Variants in RAB27A observed in about 807,000 individuals in gnomAD.
RAB27A encodes RAB27A, member RAS oncogene family, also known as ras-related protein Rab-27A.
Under a neutral mutation model 20.8 loss-of-function variants are expected in RAB27A, and 17 were observed. The observed-to-expected ratio is 0.82, with a 90% CI of 0.56 to 1.23. RAB27A has a LOEUF of 1.23. RAB27A is among the 50% of genes most tolerant of loss of function. RAB27A has a pLI of 0.00. For synonymous variants in RAB27A, 85 were observed against 92.8 expected (o/e 0.92, Z 0.48); for missense variants, 277 against 266.7 (o/e 1.04, Z -0.27).
chr15:55,316,960 G>T (rs1284018897), intron 1 of RAB27A, among the ~76,000 whole-genome samples: 1 of 152,092 alleles, frequency 6.6e-6, no homozygotes, highest in Non-Finnish European at 1.5e-5. Context: ...AGTTTAAGTT[G>T]GTTCACATAT....
At chr15:55,263,778 G>C (rs987304862) in intron 2 of RAB27A, among the ~76,000 whole-genome samples, 1 of 103,268 alleles carries the variant, frequency 9.7e-6, no homozygotes, top group African/African-American at 4.4e-5. Context: ...TTTTCCATTA[G>C]TCTGTTTAAT....
intron 2 of RAB27A, among the ~76,000 whole-genome samples, chr15:55,312,175 G>A (rs1443767669): frequency 2.0e-5 from 3 of 152,246 alleles, no homozygotes; most frequent in Non-Finnish European, 4.4e-5. Flanking sequence ...CGCTGGATCA[G>A]GAGCACAGCA....
chr15:55,219,364 T>C (rs756773249), intron 6 of RAB27A, among the ~76,000 whole-genome samples: 12 of 152,242 alleles, frequency 7.9e-5, no homozygotes, highest in Non-Finnish European at 1.3e-4. Context: ...AAGTAGACAA[T>C]TGGTTCATAT....
intron 6 of RAB27A, among the ~76,000 whole-genome samples, chr15:55,210,409 G>A (rs924988417): frequency 2.5e-4 from 30 of 121,894 alleles, no homozygotes; most frequent in Non-Finnish European, 1.3e-4. Flanking sequence ...GTATTTAGGT[G>A]TGGTTTTTTT....
chr15:55,241,600 T>A (rs1005295353), intron 2 of RAB27A, among the ~76,000 whole-genome samples: 7 of 123,894 alleles, frequency 5.6e-5, no homozygotes, highest in African/African-American at 8.5e-5. Context: ...CAAGACCTAT[T>A]TATATATATA....
intron 3 of RAB27A, among the ~76,000 whole-genome samples, chr15:55,230,944 A>G (rs1020615977): frequency 2.0e-5 from 3 of 152,142 alleles, no homozygotes; most frequent in Non-Finnish European, 2.9e-5. Context: ...GTACCCAATA[A>G]GTAGTTTTTC....
chr15:55,224,121 T>G, intron 5 of RAB27A, 109 bp from the exon 6 acceptor site: 2 of 818,548 alleles, frequency 2.4e-6, no homozygotes, highest in East Asian at 5.9e-5. Flanking sequence ...ATATAGATAT[T>G]GGGAATTGAC....
At chr15:55,232,184 T>C (rs758587986) in intron 3 of RAB27A, among the ~76,000 whole-genome samples, 7 of 152,176 alleles carry the variant, frequency 4.6e-5, no homozygotes, top group Non-Finnish European at 8.8e-5. Context: ...AGAGACTTAT[T>C]AGTTCAAGGA....
intron 2 of RAB27A, among the ~76,000 whole-genome samples, chr15:55,265,740 G>A (rs557712890): frequency 6.6e-6 from 1 of 152,270 alleles, no homozygotes; most frequent in South Asian, 2.1e-4. Flanking sequence ...TTGCAAAGGT[G>A]TAAGAGGCTA....
intron 2 of RAB27A, among the ~76,000 whole-genome samples, chr15:55,302,549 G>A (rs11832487): frequency 0.27 from 39,125 of 147,556 alleles, 6,264 homozygotes; most frequent in East Asian, 0.54. Context: ...TCTGGGATGC[G>A]AGGAGCCCCT....
intron 1 of RAB27A, among the ~76,000 whole-genome samples, chr15:55,278,524 C>T (rs1228201840): frequency 6.6e-6 from 1 of 151,196 alleles, no homozygotes; most frequent in African/African-American, 2.4e-5. Context: ...ACTCTGCCAC[C>T]CAGGCTGGAG....
intron 6 of RAB27A, among the ~76,000 whole-genome samples, chr15:55,209,868 A>ATGTGTG (rs1894864785): frequency 7.0e-5 from 1 of 14,286 alleles, no homozygotes; most frequent in African/African-American, 1.1e-4. Context: ...ATATACATAT[A>ATGTGTG]TACATATATG....
intron 6 of RAB27A, among the ~76,000 whole-genome samples, chr15:55,209,639 C>T (rs1483181752): frequency 6.6e-6 from 1 of 150,494 alleles, no homozygotes; most frequent in African/African-American, 2.5e-5. Context: ...ATCTGATATA[C>T]ATCTCTATAT....
upstream of RAB27A, among the ~76,000 whole-genome samples, chr15:55,292,121 T>C (rs1452110795): frequency 6.6e-6 from 1 of 151,692 alleles, no homozygotes; most frequent in Non-Finnish European, 1.5e-5. Flanking sequence ...GAAAAGAAAA[T>C]GGAGAAATAA....
At chr15:55,305,874 G>A (rs1178712068) in intron 2 of RAB27A, among the ~76,000 whole-genome samples, 3 of 152,142 alleles carry the variant, frequency 2.0e-5, no homozygotes, top group East Asian at 1.9e-4. Context: ...TTGTGATACC[G>A]CCAGTGCCAG....
intron 1 of RAB27A, among the ~76,000 whole-genome samples, chr15:55,279,603 A>C (rs1308331289): frequency 6.6e-6 from 1 of 152,216 alleles, no homozygotes; most frequent in Non-Finnish European, 1.5e-5. Flanking sequence ...AATCTGTAAA[A>C]TAGGGATAAT....
intron 2 of RAB27A, among the ~76,000 whole-genome samples, chr15:55,312,566 C>A (rs1229882117): frequency 6.6e-6 from 1 of 152,102 alleles, no homozygotes; most frequent in Admixed American, 6.5e-5. Flanking sequence ...TTGTAATTTT[C>A]CATCTTTTTG....
intron 2 of RAB27A, among the ~76,000 whole-genome samples, chr15:55,246,323 A>C (rs1353514830): frequency 1.3e-5 from 2 of 152,146 alleles, no homozygotes; most frequent in Non-Finnish European, 2.9e-5. Context: ...AAATAACACA[A>C]ACAACTGTAT....
upstream of RAB27A, among the ~76,000 whole-genome samples, chr15:55,291,237 T>C (rs1898296798): frequency 6.6e-6 from 1 of 152,098 alleles, no homozygotes; most frequent in South Asian, 2.1e-4. Flanking sequence ...AAGGCCGGGT[T>C]AGGTGGCTCA....
Sources: gnomAD v4.1 joint callset for allele counts (sites outside exome capture counted in the v4.1 genomes callset) on GRCh38, gnomAD v4.1.1 for gene constraint, MANE v1.5 for transcripts, NCBI Gene and HGNC (gene_info 2026-07-23, HGNC 2026-07-21) for gene names.